Variants in PPP1R12B observed in about 807,000 individuals in gnomAD.
PPP1R12B encodes myosin phosphatase target subunit 2.
In PPP1R12B, 76 loss-of-function variants were observed where a neutral mutation model predicts 126.1. The ratio of observed to expected loss-of-function variants is 0.60; its 90% CI spans 0.50 to 0.73. PPP1R12B has a LOEUF of 0.73. Among genes scored for constraint, PPP1R12B ranks in the 30% least tolerant of loss-of-function variants. The probability of loss-of-function intolerance (pLI) is 0.00; values close to 1 mark genes in which losing one functional copy is unlikely to be tolerated. For missense variants in PPP1R12B, 1,052 were observed against 1,205.1 expected (o/e 0.87, Z 1.88); for synonymous variants, 356 against 434.7 (o/e 0.82, Z 2.25).
chr1:202,511,863 A>G (rs1572343680), intron 18 of PPP1R12B, among the ~76,000 whole-genome samples: 1 of 143,842 alleles, frequency 7.0e-6, no homozygotes, highest in East Asian at 2.1e-4. Flanking sequence ...TGCAACATCT[A>G]CCTCCCAGGT....
intron 2 of PPP1R12B, among the ~76,000 whole-genome samples, chr1:202,421,032 T>C (rs1571929731): frequency 7.1e-6 from 1 of 141,440 alleles, no homozygotes; most frequent in South Asian, 2.5e-4. Context: ...GTTGGCTCAC[T>C]GCAACCTCCG....
At chr1:202,432,191 G>A (rs544169455) in intron 8 of PPP1R12B, among the ~76,000 whole-genome samples, 73 of 151,692 alleles carry the variant, frequency 4.8e-4, no homozygotes, top group African/African-American at 1.6e-3. Flanking sequence ...TTTCCCTCTC[G>A]TGTGAGTTGG....
At chr1:202,569,054 C>G in intron 22 of PPP1R12B, 93 bp from the exon 23 acceptor site, 2 of 1,388,936 alleles carry the variant, frequency 1.4e-6, no homozygotes, top group African/African-American at 1.4e-5. Context: ...AACCTTTGAC[C>G]GTGAATCTGC....
At chr1:202,428,657 T>G in intron 5 of PPP1R12B, 198 bp from the exon 6 acceptor site, 1 of 539,642 alleles carries the variant, frequency 1.9e-6, no homozygotes, top group Non-Finnish European at 3.2e-6. Context: ...ACTCTATATT[T>G]AAAGGATTTG....
chr1:202,513,546 G>C (rs185808746), intron 18 of PPP1R12B, among the ~76,000 whole-genome samples: 2 of 152,290 alleles, frequency 1.3e-5, no homozygotes, highest in Non-Finnish European at 2.9e-5. Flanking sequence ...GTATAGGGAA[G>C]TTCCAGGGCT....
At chr1:202,552,746 G>A (rs1043548202) in intron 18 of PPP1R12B, among the ~76,000 whole-genome samples, 2 of 152,104 alleles carry the variant, frequency 1.3e-5, no homozygotes, top group African/African-American at 2.4e-5. Flanking sequence ...CCATCACTGT[G>A]GGGTCAAGCC....
At chr1:202,563,056 C>A in intron 20 of PPP1R12B, 134 bp downstream of exon 20, 2 of 1,051,042 alleles carry the variant, frequency 1.9e-6, no homozygotes, top group Non-Finnish European at 2.6e-6. Flanking sequence ...TAATTCCTTG[C>A]AGTTTTCTGG....
rs1655360774 is a variant in PPP1R12B at position 202,348,712 on chromosome 1, G to GGAGGAGTAAAGATGGCGGCGC, written c.-135_-115dup. The GGAGGAGTAAAGATGGCGGCGC allele has an allele frequency of 1.8e-6, 2 of 1,095,936 alleles. No homozygotes were observed. The highest frequency in any genetic ancestry group is 2.6e-6 in the Non-Finnish European group (2 of 781,898). The allele number at this position is 1,095,936 out of a possible 1,614,324, so 67.9% of individuals were successfully genotyped here. On this transcript the variant is annotated 5_prime_UTR_variant, in exon 1 of 24. It adds an upstream start codon to the 5' untranslated region. Coordinates refer to ENST00000608999, the MANE Select transcript of PPP1R12B (RefSeq NM_002481.4). ...GAGCGTGCGGGCGGTACTACTGGCG[G>GGAGGAGTAAAGATGGCGGCGC]GAGGAGTAAAGATGGCGGCGCGAGG...
intron 1 of PPP1R12B, among the ~76,000 whole-genome samples, chr1:202,383,868 G>T (rs1662728325): frequency 6.6e-6 from 1 of 152,184 alleles, no homozygotes; most frequent in Non-Finnish European, 1.5e-5. Context: ...CCCAGTGTAT[G>T]ATTATACCAA....
At chr1:202,390,058 C>T (rs1663885774) in intron 1 of PPP1R12B, among the ~76,000 whole-genome samples, 1 of 152,026 alleles carries the variant, frequency 6.6e-6, no homozygotes, top group Non-Finnish European at 1.5e-5. Flanking sequence ...GCAATGGTAA[C>T]CAAGACAGTG....
chr1:202,536,522 G>A (rs1684544285), intron 18 of PPP1R12B, among the ~76,000 whole-genome samples: 1 of 152,192 alleles, frequency 6.6e-6, no homozygotes, highest in African/African-American at 2.4e-5. Context: ...CAAGTGGTGA[G>A]TGAAGGCCTA....
chr1:202,561,810 C>T (rs746973239), intron 19 of PPP1R12B, among the ~76,000 whole-genome samples: 1 of 152,198 alleles, frequency 6.6e-6, no homozygotes, highest in Non-Finnish European at 1.5e-5. Context: ...CCTCTGCCTT[C>T]TCTGTGTCAT....
At chr1:202,446,902 A>G (rs1246672469) in intron 12 of PPP1R12B, among the ~76,000 whole-genome samples, 1 of 151,860 alleles carries the variant, frequency 6.6e-6, no homozygotes, top group African/African-American at 2.4e-5. Context: ...TGCCATTTCC[A>G]TGGGTTGCCT....
At chr1:202,417,024 T>C in intron 2 of PPP1R12B, 107 bp downstream of exon 2, 1 of 1,254,298 alleles carries the variant, frequency 8.0e-7, no homozygotes, top group Non-Finnish European at 1.0e-6. Flanking sequence ...AATCTCTCTT[T>C]ATTACAGATT....
chr1:202,383,288 C>G (rs184896199), intron 1 of PPP1R12B, among the ~76,000 whole-genome samples: 1 of 152,148 alleles, frequency 6.6e-6, no homozygotes. Flanking sequence ...AGAGATAGAC[C>G]ATTAGCAATA....
In PPP1R12B at chr1:202,562,895, A is replaced by G. The variant is rs746552383; in HGVS notation, c.2625A>G (p.Glu875=). 5 of 1,594,482 alleles carry G rather than the reference A, an allele frequency of 3.1e-6. No homozygotes were observed. The South Asian group carries it at 5.7e-5, about 18-fold the overall frequency. Residue 875 remains glutamate (E), a synonymous_variant, in exon 20 of 24, where the codon GAA becomes GAG. Coordinates refer to ENST00000608999, the MANE Select transcript of PPP1R12B (RefSeq NM_002481.4). ...ARLATLTSRV[E]EDSNRDYKKL... Reference sequence around the variant, plus strand: ...TAGCCACCCTGACCAGCCGTGTAGAAGAAGACAGCAACAGAGATTATAAAA... The same window carrying G: ...TAGCCACCCTGACCAGCCGTGTAGAGGAAGACAGCAACAGAGATTATAAAA...
chr1:202,534,254 C>T lies in PPP1R12B; in HGVS notation c.2491-24623C>T, dbSNP rs1242561102. Among the ~76,000 whole-genome samples, 2 of 152,166 alleles carry T rather than the reference C, an allele frequency of 1.3e-5. 1 individual carries two copies. The highest frequency in any genetic ancestry group is 3.8e-4 in the East Asian group (2 of 5,206). On this transcript the variant is annotated intron_variant, in intron 18 of 23. Transcript: ENST00000608999. ...TTTAAGTGTTGTTTGAGGACTTTCT[C>T]ACCTTCTAGCACAAGAGATCAGGCT...
At chr1:202,384,060 T>G (rs754338344) in intron 1 of PPP1R12B, among the ~76,000 whole-genome samples, 3 of 152,212 alleles carry the variant, frequency 2.0e-5, no homozygotes, top group Non-Finnish European at 2.9e-5. Context: ...CAAATATTGG[T>G]GAGGGCATGA....
chr1:202,403,305 C>CA (rs1191852174), intron 1 of PPP1R12B, among the ~76,000 whole-genome samples: 5 of 152,006 alleles, frequency 3.3e-5, no homozygotes, highest in Admixed American at 6.5e-5. Context: ...TTTTTGTGTG[C>CA]AAAAAATCTT....
Sources: gnomAD v4.1 joint callset for allele counts (sites outside exome capture counted in the v4.1 genomes callset) on GRCh38, gnomAD v4.1.1 for gene constraint, MANE v1.5 for transcripts, NCBI Gene and HGNC (gene_info 2026-07-23, HGNC 2026-07-21) for gene names.